TMPRSS6: variants seen among roughly 807,000 people sequenced by gnomAD.
TMPRSS6 encodes the protein transmembrane protease serine 6.
Under a neutral mutation model 101.5 loss-of-function variants are expected in TMPRSS6, and 67 were observed. The observed-to-expected ratio is 0.66, with a 90% CI of 0.54 to 0.81. The LOEUF (loss-of-function observed/expected upper bound fraction) is 0.81, where lower values mean the gene tolerates loss of function less well. Ranked by LOEUF, TMPRSS6 falls within the 30% of genes least tolerant of loss-of-function variation. TMPRSS6 has a pLI of 0.00. For synonymous variants in TMPRSS6, 453 were observed against 464.9 expected (o/e 0.97, Z 0.33); for missense variants, 1,034 against 1,088.7 (o/e 0.95, Z 0.71).
At chr22:37,108,468 G>A (rs1930851142) in intron 1 of TMPRSS6, among the ~76,000 whole-genome samples, 1 of 152,176 alleles carries the variant, frequency 6.6e-6, no homozygotes, top group African/African-American at 2.4e-5. Context: ...GCCTGAAGCA[G>A]TCCCCCAGCT....
chr22:37,075,068 G>C lies in TMPRSS6; in HGVS notation c.1342+67C>G. On this transcript the variant is annotated intron_variant, in intron 11 of 17. Coordinates refer to ENST00000676104, the MANE Select transcript of TMPRSS6 (RefSeq NM_001374504.1). The stretch of plus-strand genomic sequence containing the variant: ...TAAGCAGCTGCCCACAGCCCCCTTG[G>C]TGGTTCCAGGGATGGCCAAGAGGCA... The C allele has an allele frequency of 2.5e-6, 4 of 1,610,958 alleles. No individual in the cohort carries two copies. In the South Asian group the frequency reaches 4.4e-5, roughly 18 times the overall value.
chr22:37,089,664 G>C lies in TMPRSS6; in HGVS notation c.750C>G (p.Leu250=), dbSNP rs148065950. ...ACTCTGCCAGCGTCCACTCCAGCCG[G>C]AGTTTGAGCATGAGGTCCTTGGGGC... The part of the protein sequence containing the change: ...LQGPKDLMLK[L]RLEWTLAECR... Residue 250 remains leucine (L), a synonymous_variant, in exon 7 of 18, where the codon CTC becomes CTG. Transcript: ENST00000676104. The C allele has an allele frequency of 1.9e-5, 31 of 1,612,722 alleles. No individual in the cohort carries two copies. Among genetic ancestry groups the C allele is most frequent in the Non-Finnish European group, 2.5e-5 (29 of 1,179,530 alleles).
Position 37,101,130 on chromosome 22 carries a change from T to C in TMPRSS6, c.202+2086A>G, listed in dbSNP as rs1463751396. 2.0e-5 allele frequency among the ~76,000 whole-genome samples: 3 copies of C among 150,798 alleles called. No individual in the cohort carries two copies. In the East Asian group the frequency reaches 5.8e-4, roughly 29 times the overall value. On this transcript the variant is annotated intron_variant, in intron 2 of 17. Transcript: ENST00000676104. This position sits in a 1 kb window ranked among gnomAD's most constrained non-coding sequence, Gnocchi z 4.1. ...ATGGGGGAGGCACCCCAAGGGACAC[T>C]GGGGGAGAGAGGGCATCCTTGCTGG...
chr22:37,089,856 T>C, intron 6 of TMPRSS6, 74 bp from the exon 7 acceptor site: 1 of 1,479,756 alleles, frequency 6.8e-7, no homozygotes, highest in Non-Finnish European at 9.2e-7. Flanking sequence ...GCCAGGTCCC[T>C]CAAGGTCCTC....
chr22:37,084,303 C>G lies in TMPRSS6; in HGVS notation c.1188G>C (p.Gln396His). The G allele has an allele frequency of 6.2e-7, 1 of 1,613,298 alleles. No homozygotes were observed. Among genetic ancestry groups the G allele is most frequent in the Non-Finnish European group, 8.5e-7 (1 of 1,179,612 alleles). ...AGGAGAGGAAGTGGTACCTCCTGTT[C>G]TGGATCGTCCACTGGCCCTGGGTGC... ...LPCTQGQWTI[Q>H]NRRLCGLRIL... The change falls in exon 10 of 18, where the codon CAG becomes CAC. Residue 396 changes from glutamine to histidine, a missense_variant. Physicochemically the swap from Gln to His is conservative, Grantham distance 24. Transcript: ENST00000676104.
At chr22:37,082,768 C>T (rs900792620) in intron 10 of TMPRSS6, 14 of 359,820 alleles carry the variant, frequency 3.9e-5, no homozygotes, top group Non-Finnish European at 6.5e-5. Flanking sequence ...GGCACTGCTT[C>T]GCCATATCAC....
rs143746371 is a variant in TMPRSS6 at position 37,073,633 on chromosome 22, G to A, written c.1454C>T (p.Thr485Ile). The part of the protein sequence containing the change: ...LDERNCVCRA[T>I]FQCKEDSTCI... Reference sequence around the variant, plus strand: ...TGTGCTGTCCTCTTTGCACTGGAATGTGGCTCTGCAAACTGTGTGGGGACA... The same window carrying A: ...TGTGCTGTCCTCTTTGCACTGGAATATGGCTCTGCAAACTGTGTGGGGACA... The change falls in exon 13 of 18, where the codon ACA becomes ATA. Residue 485 changes from threonine (T) to isoleucine (I), a missense_variant. By Grantham distance (89) the Thr-to-Ile change is moderately conservative. Coordinates refer to ENST00000676104, the MANE Select transcript of TMPRSS6 (RefSeq NM_001374504.1). 48 of 1,613,332 alleles carry A rather than the reference G, an allele frequency of 3.0e-5. No individual in the cohort carries two copies. The African/African-American group carries it at 5.9e-4, about 20-fold the overall frequency.
At chr22:37,074,816 G>A (rs1927473309) in intron 11 of TMPRSS6, 108 bp from the exon 12 acceptor site, 1 of 1,165,452 alleles carries the variant, frequency 8.6e-7, no homozygotes. Flanking sequence ...CACGCGCATG[G>A]ACAGGCACCC....
intron 1 of TMPRSS6, among the ~76,000 whole-genome samples, chr22:37,105,471 G>A (rs141663163): frequency 1.3e-5 from 2 of 152,376 alleles, no homozygotes; most frequent in African/African-American, 2.4e-5. Flanking sequence ...ACTCTTGCAT[G>A]AGGCCACATG....
intron 10 of TMPRSS6, among the ~76,000 whole-genome samples, chr22:37,078,058 G>A (rs182598416): frequency 6.6e-6 from 1 of 152,244 alleles, no homozygotes; most frequent in African/African-American, 2.4e-5. Flanking sequence ...TGTCTATAAA[G>A]TTATCATGGA....
intron 12 of TMPRSS6, among the ~76,000 whole-genome samples, chr22:37,073,937 C>T (rs1927379698): frequency 2.0e-5 from 3 of 152,226 alleles, no homozygotes; most frequent in African/African-American, 7.2e-5. Flanking sequence ...TTAGTAGAGA[C>T]GGGGTTTCAC....
chr22:37,108,281 C>T (rs970898130), intron 1 of TMPRSS6, among the ~76,000 whole-genome samples: 1 of 152,224 alleles, frequency 6.6e-6, no homozygotes, highest in Non-Finnish European at 1.5e-5. Flanking sequence ...CCCAACCTGG[C>T]CAGCTCTTAT....
chr22:37,078,949 G>GAAA (rs1927978636), intron 10 of TMPRSS6, among the ~76,000 whole-genome samples: 1 of 113,566 alleles, frequency 8.8e-6, no homozygotes, highest in Non-Finnish European at 1.8e-5. Flanking sequence ...GAAGGAGAAG[G>GAAA]AGAAAAAGAG....
At chr22:37,072,482 G>GATGT in intron 13 of TMPRSS6, among the ~76,000 whole-genome samples, 1 of 117,970 alleles carries the variant, frequency 8.5e-6, no homozygotes, top group Non-Finnish European at 1.7e-5. Flanking sequence ...TGGATGGATG[G>GATGT]ATGATGGATG....
At chr22:37,092,126 G>T (rs1389176072) in intron 6 of TMPRSS6, among the ~76,000 whole-genome samples, 1 of 150,310 alleles carries the variant, frequency 6.7e-6, no homozygotes, top group Non-Finnish European at 1.5e-5. Flanking sequence ...CCGTGGAGAG[G>T]TGTGTGCTAA....
Position 37,089,619 on chromosome 22 carries a change from C to G in TMPRSS6, c.795G>C (p.Met265Ile), listed in dbSNP as rs765799080. ...TLAECRDRLA[M>I]YDVAGPLEKR... ...TCTCCAGGGGCCCGGCCACGTCATA[C>G]ATGGCCAGTCGGTCCCGGCACTCTG... The change falls in exon 7 of 18, where the codon ATG becomes ATC. Residue 265 changes from methionine (M) to isoleucine (I), a missense_variant. Met to Ile is a conservative substitution (Grantham distance 10). Transcript: ENST00000676104. 2 of 1,498,800 alleles carry G rather than the reference C, an allele frequency of 1.3e-6. No individual in the cohort carries two copies. Among genetic ancestry groups the G allele is most frequent in the Non-Finnish European group, 1.8e-6 (2 of 1,108,516 alleles). 92.8% of individuals were successfully genotyped at this position (1,498,800 alleles called of 1,614,324 possible).
intron 8 of TMPRSS6, 26 bp from the exon 9 acceptor site, chr22:37,084,865 C>G (rs1928586336): frequency 2.6e-6 from 4 of 1,539,124 alleles, no homozygotes; most frequent in Non-Finnish European, 3.5e-6. Flanking sequence ...AGCTGTTACA[C>G]AGGGGTCCCC....
intron 6 of TMPRSS6, among the ~76,000 whole-genome samples, chr22:37,093,034 G>A (rs143562710): frequency 3.6e-4 from 55 of 152,322 alleles, no homozygotes; most frequent in African/African-American, 1.3e-3. Context: ...AAGCTCCTCC[G>A]AGGGCAGGGG....
intron 10 of TMPRSS6, among the ~76,000 whole-genome samples, chr22:37,075,599 C>T (rs576284747): frequency 1.3e-5 from 2 of 152,296 alleles, no homozygotes; most frequent in Admixed American, 6.5e-5. Context: ...TCACCTTCCT[C>T]CCTTATAAAA....
Sources: gnomAD v4.1 joint callset for allele counts (sites outside exome capture counted in the v4.1 genomes callset) on GRCh38, gnomAD v4.1.1 for gene constraint, Gnocchi (gnomAD v3.1) non-coding constraint, MANE v1.5 for transcripts, NCBI Gene and HGNC (gene_info 2026-07-23, HGNC 2026-07-21) for gene names.